SCHIP1: variants seen among roughly 807,000 people sequenced by gnomAD.
The protein encoded by SCHIP1 is schwannomin-interacting protein 1.
In SCHIP1, 8 loss-of-function variants were observed where a neutral mutation model predicts 29.7. The ratio of observed to expected loss-of-function variants is 0.27; its 90% confidence interval spans 0.16 to 0.49. The LOEUF (loss-of-function observed/expected upper bound fraction) is 0.49. Ranked by LOEUF, SCHIP1 falls within the 20% of genes least tolerant of loss-of-function variation. The probability of loss-of-function intolerance (pLI) is 0.99; values close to 1 mark genes in which losing one functional copy is unlikely to be tolerated. For missense variants in SCHIP1, 193 were observed against 294.6 expected, an observed-to-expected ratio of 0.66 and a Z score of 2.52; for synonymous variants, 76 against 94.9, an observed-to-expected ratio of 0.80 and a Z score of 1.16.
chr3:159,726,196 A>G, the SCHIP1 span, among the ~76,000 whole-genome samples: 24 of 152,322 alleles, frequency 1.6e-4, no homozygotes, highest in African/African-American at 5.3e-4. Context: ...GTCTTTAAGG[A>G]AATACTCAGT....
At chr3:159,682,647 G>A in the SCHIP1 span, among the ~76,000 whole-genome samples, 12 of 152,218 alleles carry the variant, frequency 7.9e-5, 1 homozygote, top group South Asian at 4.2e-4. Flanking sequence ...TTGACAGAGC[G>A]TCTGGTGACC....
chr3:159,820,838 G>C, the SCHIP1 span, among the ~76,000 whole-genome samples: 1 of 152,146 alleles, frequency 6.6e-6, no homozygotes, highest in African/African-American at 2.4e-5. Context: ...AGTTTAGATT[G>C]AGAAGAACTC....
chr3:159,424,798 A>C, the SCHIP1 span, among the ~76,000 whole-genome samples: 91,257 of 150,664 alleles, frequency 0.61, 28,280 homozygotes, highest in Non-Finnish European at 0.68. Context: ...AGAGAAAGGT[A>C]GGGTTACCCA....
the SCHIP1 span, among the ~76,000 whole-genome samples, chr3:159,333,969 A>ATAAT: frequency 7.9e-5 from 12 of 152,180 alleles, no homozygotes; most frequent in African/African-American, 2.9e-4. Context: ...GCCAAAAAAG[A>ATAAT]TAATTAGTAG....
At chr3:159,361,198 T>C in the SCHIP1 span, among the ~76,000 whole-genome samples, 1 of 152,210 alleles carries the variant, frequency 6.6e-6, no homozygotes, top group Non-Finnish European at 1.5e-5. Flanking sequence ...TGCAAAAAGA[T>C]AAAGTAGAAA....
At chr3:159,358,329 G>C in the SCHIP1 span, among the ~76,000 whole-genome samples, 1 of 152,180 alleles carries the variant, frequency 6.6e-6, no homozygotes, top group Non-Finnish European at 1.5e-5. Flanking sequence ...TATCTGGCCA[G>C]TCCCCAGAAC....
chr3:159,350,966 A>G, the SCHIP1 span, among the ~76,000 whole-genome samples: 1 of 152,148 alleles, frequency 6.6e-6, no homozygotes, highest in African/African-American at 2.4e-5. Flanking sequence ...TGCTACTCTC[A>G]ATAGAGATTA....
chr3:159,797,656 T>A, the SCHIP1 span, among the ~76,000 whole-genome samples: 1 of 151,998 alleles, frequency 6.6e-6, no homozygotes, highest in Non-Finnish European at 1.5e-5. Flanking sequence ...CACTGCAAGC[T>A]CTGCCTCCCA....
chr3:159,618,586 G>T, the SCHIP1 span, among the ~76,000 whole-genome samples: 1 of 152,228 alleles, frequency 6.6e-6, no homozygotes, highest in Non-Finnish European at 1.5e-5. Context: ...TGTGGCATTC[G>T]TCTTGCTCTT....
At chr3:159,635,165 T>C in the SCHIP1 span, among the ~76,000 whole-genome samples, 7 of 152,238 alleles carry the variant, frequency 4.6e-5, no homozygotes, top group African/African-American at 1.7e-4. Flanking sequence ...TGTTTCCCAA[T>C]GAACCTGTTC....
chr3:159,655,259 A>G, the SCHIP1 span, among the ~76,000 whole-genome samples: 2 of 152,214 alleles, frequency 1.3e-5, no homozygotes, highest in Non-Finnish European at 2.9e-5. Context: ...ATTAACTTGC[A>G]TTTGCATCTG....
the SCHIP1 span, among the ~76,000 whole-genome samples, chr3:159,496,953 T>G: frequency 6.6e-6 from 1 of 152,152 alleles, no homozygotes; most frequent in African/African-American, 2.4e-5. Context: ...ATGTCCTTTG[T>G]AGCGACATGG....
At chr3:159,774,920 C>CGA in the SCHIP1 span, among the ~76,000 whole-genome samples, 1,000 of 152,300 alleles carry the variant, frequency 6.6e-3, 14 homozygotes, top group African/African-American at 0.023. Context: ...TTGGCTTATC[C>CGA]ATCATCAGCA....
chr3:159,826,713 A>C, the SCHIP1 span, among the ~76,000 whole-genome samples: 585 of 152,352 alleles, frequency 3.8e-3, 2 homozygotes, highest in African/African-American at 0.013. Flanking sequence ...TGAAACTCAG[A>C]AGGACTGCTC....
chr3:159,780,090 A>T, the SCHIP1 span, among the ~76,000 whole-genome samples: 3 of 152,288 alleles, frequency 2.0e-5, no homozygotes, highest in African/African-American at 7.2e-5. Context: ...GAGTAATTAC[A>T]AGTAGCTGAC....
chr3:159,755,004 A>AG, the SCHIP1 span, among the ~76,000 whole-genome samples: 2 of 152,118 alleles, frequency 1.3e-5, no homozygotes, highest in Non-Finnish European at 2.9e-5. Context: ...GGGAGGCCTG[A>AG]GTGGGTGGAT....
the SCHIP1 span, among the ~76,000 whole-genome samples, chr3:159,390,001 G>C: frequency 1.3e-5 from 2 of 151,974 alleles, no homozygotes; most frequent in Middle Eastern, 3.2e-3. Context: ...TTGCTCCATG[G>C]AATATTAAGC....
At chr3:159,590,317 C>T in the SCHIP1 span, among the ~76,000 whole-genome samples, 1 of 152,108 alleles carries the variant, frequency 6.6e-6, no homozygotes, top group Non-Finnish European at 1.5e-5. Context: ...CTAAAGCAGT[C>T]ACAGTCCCAG....
chr3:159,718,250 T>G, the SCHIP1 span, among the ~76,000 whole-genome samples: 1 of 152,122 alleles, frequency 6.6e-6, no homozygotes, highest in Admixed American at 6.6e-5. Context: ...TAAGAGCTAT[T>G]TATGACAAAT....
Sources: gnomAD v4.1 joint callset for allele counts (sites outside exome capture counted in the v4.1 genomes callset) on GRCh38, gnomAD v4.1.1 for gene constraint, MANE v1.5 for transcripts, NCBI Gene and HGNC (gene_info 2026-07-23, HGNC 2026-07-21) for gene names.